Variants in SLC10A7 observed in about 807,000 individuals in gnomAD.
SLC10A7 encodes the protein sodium/bile acid cotransporter 7.
A neutral mutation model predicts 43.2 loss-of-function variants in SLC10A7; 29 were observed. The observed-to-expected ratio is 0.67, with a 90% CI of 0.50 to 0.92. The LOEUF is 0.92. Among genes scored for constraint, SLC10A7 ranks in the 40% least tolerant of loss-of-function variants. The probability of loss-of-function intolerance (pLI) is 0.00; values close to 1 mark genes in which losing one functional copy is unlikely to be tolerated. For missense variants in SLC10A7, 295 were observed against 403.2 expected (o/e 0.73, Z 2.30); for synonymous variants, 152 against 144.8 (o/e 1.05, Z -0.35).
At chr4:146,428,779 AT>A (rs1168119037) in intron 5 of SLC10A7, among the ~76,000 whole-genome samples, 2 of 152,194 alleles carry the variant, frequency 1.3e-5, no homozygotes, top group African/African-American at 2.4e-5. Flanking sequence ...ATTTAAAAAA[AT>A]ACTTTCCTTT....
intron 4 of SLC10A7, among the ~76,000 whole-genome samples, chr4:146,460,818 C>T (rs1035980382): frequency 1.3e-5 from 2 of 151,738 alleles, no homozygotes; most frequent in Admixed American, 1.3e-4. Flanking sequence ...ATTATATACA[C>T]AAAAATCTCA....
intron 4 of SLC10A7, among the ~76,000 whole-genome samples, chr4:146,490,206 T>C (rs1027495606): frequency 2.6e-5 from 4 of 151,972 alleles, no homozygotes; most frequent in Non-Finnish European, 4.4e-5. Context: ...TACAGAAGAG[T>C]TGGCAATTAA....
Position 146,379,704 on chromosome 4 carries a change from A to T in SLC10A7, c.436-53708T>A, listed in dbSNP as rs905729025. On this transcript the variant is annotated intron_variant, in intron 5 of 11. Coordinates refer to ENST00000335472, the MANE Select transcript of SLC10A7 (RefSeq NM_001029998.6). ...GCAATTAATTACTTTCTTCTAAATC[A>T]GTGTATTCCTCCTTATATTTTTATC... Among the ~76,000 whole-genome samples, 6 of 152,330 alleles carry T rather than the reference A, an allele frequency of 3.9e-5. 1 individual carries two copies. In the East Asian group the frequency reaches 1.2e-3, roughly 29 times the overall value.
At chr4:146,418,340 C>T (rs1200495616) in intron 5 of SLC10A7, among the ~76,000 whole-genome samples, 2 of 152,076 alleles carry the variant, frequency 1.3e-5, no homozygotes, top group African/African-American at 4.8e-5. Context: ...TTAGGGTTTA[C>T]AATTCTGGTG....
At chr4:146,368,895 G>C (rs1343861977) in intron 5 of SLC10A7, among the ~76,000 whole-genome samples, 1 of 152,136 alleles carries the variant, frequency 6.6e-6, no homozygotes, top group Admixed American at 6.5e-5. Flanking sequence ...TTAACATTCG[G>C]TGTTTAGGAA....
chr4:146,485,651 A>G (rs762511610), intron 4 of SLC10A7, among the ~76,000 whole-genome samples: 1 of 152,190 alleles, frequency 6.6e-6, no homozygotes, highest in Non-Finnish European at 1.5e-5. Flanking sequence ...GAAAGCACAT[A>G]TAAGTCCAGG....
Position 146,418,002 on chromosome 4 carries a change from A to AGATGATGATGAT in SLC10A7, c.435+24769_435+24780dup, listed in dbSNP as rs140809624. 8.0e-3 allele frequency among the ~76,000 whole-genome samples: 1,180 copies of AGATGATGATGAT among 147,334 alleles called. 12 individuals carry two copies. The highest frequency in any genetic ancestry group is 0.023 in the African/African-American group (912 of 39,888). On this transcript the variant is annotated intron_variant, in intron 5 of 11. Coordinates refer to ENST00000335472, the MANE Select transcript of SLC10A7 (RefSeq NM_001029998.6). ...AGTTCTGAACAGACAATATCTGAACAGATGATGATGATGATGATGATGATG... is the reference window on the plus strand; with the variant it reads ...AGTTCTGAACAGACAATATCTGAACAGATGATGATGATGATGATGATGATGATGATGATGATG...
At chr4:146,433,470 T>TA (rs1729950636) in intron 5 of SLC10A7, among the ~76,000 whole-genome samples, 2 of 152,072 alleles carry the variant, frequency 1.3e-5, no homozygotes, top group Non-Finnish European at 2.9e-5. Context: ...AAAATTATAA[T>TA]TAAGATAAAA....
chr4:146,256,983 T>C (rs1262142230), intron 11 of SLC10A7: 2 of 1,270,060 alleles, frequency 1.6e-6, no homozygotes, highest in Non-Finnish European at 2.2e-6. Flanking sequence ...AGTCTCCCTT[T>C]TGGAAATGCT....
chr4:146,475,571 C>T (rs915649212), intron 4 of SLC10A7, among the ~76,000 whole-genome samples: 2 of 152,120 alleles, frequency 1.3e-5, no homozygotes, highest in Admixed American at 6.6e-5. Flanking sequence ...CTCCCATTTG[C>T]CAAGATCTAA....
chr4:146,461,581 T>C (rs1428471474), intron 4 of SLC10A7, among the ~76,000 whole-genome samples: 1 of 151,998 alleles, frequency 6.6e-6, no homozygotes, highest in African/African-American at 2.4e-5. Flanking sequence ...AAAGCCTCTT[T>C]CCTTTCTGTA....
At chr4:146,294,547 A>G (rs1000185581) in intron 7 of SLC10A7, among the ~76,000 whole-genome samples, 1 of 152,186 alleles carries the variant, frequency 6.6e-6, no homozygotes, top group East Asian at 1.9e-4. Context: ...AAAGTGATCC[A>G]TGGAACATAT....
intron 6 of SLC10A7, among the ~76,000 whole-genome samples, chr4:146,316,301 T>C (rs914245944): frequency 6.6e-6 from 1 of 152,108 alleles, no homozygotes; most frequent in Non-Finnish European, 1.5e-5. Context: ...ATAATCTGAA[T>C]GTTTCTGTGC....
intron 4 of SLC10A7, among the ~76,000 whole-genome samples, chr4:146,491,060 AG>A (rs771492659): frequency 3.5e-4 from 53 of 152,372 alleles, no homozygotes; most frequent in Non-Finnish European, 5.9e-4. Flanking sequence ...GTACAAACAC[AG>A]TATTGTGAAT....
intron 1 of SLC10A7, among the ~76,000 whole-genome samples, chr4:146,519,112 T>TATATAAAA (rs1553991185): frequency 6.3e-5 from 1 of 15,972 alleles, no homozygotes; most frequent in Non-Finnish European, 1.0e-4. Context: ...TATATATATA[T>TATATAAAA]AATATAATAT....
intron 5 of SLC10A7, among the ~76,000 whole-genome samples, chr4:146,338,503 T>C (rs1734043382): frequency 1.3e-5 from 2 of 152,090 alleles, no homozygotes; most frequent in Non-Finnish European, 2.9e-5. Context: ...ATTGTGTTGA[T>C]ATACTGGATA....
intron 4 of SLC10A7, among the ~76,000 whole-genome samples, chr4:146,489,831 T>C (rs1197777444): frequency 6.6e-6 from 1 of 152,194 alleles, no homozygotes; most frequent in African/African-American, 2.4e-5. Context: ...AACAAGCTTC[T>C]AACTCAATTA....
At chr4:146,367,868 T>A (rs1736505968) in intron 5 of SLC10A7, among the ~76,000 whole-genome samples, 1 of 151,986 alleles carries the variant, frequency 6.6e-6, no homozygotes, top group Non-Finnish European at 1.5e-5. Flanking sequence ...CAAACAACAA[T>A]AAAACAATGA....
intron 4 of SLC10A7, among the ~76,000 whole-genome samples, chr4:146,501,901 A>G (rs1275902435): frequency 6.6e-6 from 1 of 152,166 alleles, no homozygotes; most frequent in Non-Finnish European, 1.5e-5. Context: ...CCTGAATCCA[A>G]TCACGTTTAC....
Sources: gnomAD v4.1 joint callset for allele counts (sites outside exome capture counted in the v4.1 genomes callset) on GRCh38, gnomAD v4.1.1 for gene constraint, MANE v1.5 for transcripts, NCBI Gene and HGNC (gene_info 2026-07-23, HGNC 2026-07-21) for gene names.